Variants in SGCZ observed in about 807,000 individuals in gnomAD.
SGCZ encodes the protein zeta-sarcoglycan.
In SGCZ, 40 loss-of-function variants were observed where a neutral mutation model predicts 41.3. The ratio of observed to expected loss-of-function variants is 0.97; its 90% CI spans 0.75 to 1.26. The LOEUF (loss-of-function observed/expected upper bound fraction) is 1.26, where lower values mean the gene tolerates loss of function less well. Among genes scored for constraint, SGCZ ranks in the 50% most tolerant of loss-of-function variants. The probability of loss-of-function intolerance (pLI) is 0.00; values close to 1 mark genes in which losing one functional copy is unlikely to be tolerated. For synonymous variants in SGCZ, 206 were observed against 137.5 expected, an observed-to-expected ratio of 1.50 and a Z score of -3.49; for missense variants, 552 against 369.8, an observed-to-expected ratio of 1.49 and a Z score of -4.04.
At chr8:14,246,380 G>C (rs1383690223) in intron 3 of SGCZ, among the ~76,000 whole-genome samples, 2 of 151,930 alleles carry the variant, frequency 1.3e-5, no homozygotes, top group Non-Finnish European at 2.9e-5. Context: ...CTCACTCATA[G>C]GTGGGAATTG....
At chr8:14,717,514 C>G (rs1809730375) in intron 1 of SGCZ, among the ~76,000 whole-genome samples, 1 of 152,078 alleles carries the variant, frequency 6.6e-6, no homozygotes, top group South Asian at 2.1e-4. Flanking sequence ...AAGAGTGACT[C>G]AAGGAGAGGA....
At chr8:14,418,246 T>C (rs557453081) in intron 2 of SGCZ, among the ~76,000 whole-genome samples, 1 of 151,990 alleles carries the variant, frequency 6.6e-6, no homozygotes, top group Non-Finnish European at 1.5e-5. Flanking sequence ...TGACTTGGGC[T>C]ATTAGAAGTT....
At chr8:14,298,886 A>C (rs1801101003) in intron 3 of SGCZ, among the ~76,000 whole-genome samples, 1 of 152,000 alleles carries the variant, frequency 6.6e-6, no homozygotes, top group Admixed American at 6.6e-5. Context: ...CAGTTCAAAC[A>C]GTCTTGAAAA....
At chr8:14,708,817 G>GTC (rs1042746122) in intron 1 of SGCZ, among the ~76,000 whole-genome samples, 1 of 151,058 alleles carries the variant, frequency 6.6e-6, no homozygotes, top group Non-Finnish European at 1.5e-5. Context: ...ATTCGAGTGT[G>GTC]TGTGTGTGTG....
At chr8:14,981,060 G>A (rs956001826) in intron 1 of SGCZ, among the ~76,000 whole-genome samples, 3 of 151,514 alleles carry the variant, frequency 2.0e-5, no homozygotes, top group African/African-American at 7.2e-5. Context: ...AATATGGCTT[G>A]TATAAAAATT....
chr8:14,274,584 T>G (rs1400760143), intron 3 of SGCZ, among the ~76,000 whole-genome samples: 1 of 152,214 alleles, frequency 6.6e-6, no homozygotes, highest in Non-Finnish European at 1.5e-5. Context: ...CTAACCATGT[T>G]ATTGTATATA....
intron 1 of SGCZ, among the ~76,000 whole-genome samples, chr8:14,598,467 T>C (rs1010451357): frequency 6.7e-6 from 1 of 150,276 alleles, no homozygotes; most frequent in Admixed American, 6.7e-5. Flanking sequence ...GTAGTAGAGA[T>C]GGGGTTTTAT....
At chr8:15,226,266 T>G (rs1329928485) in intron 1 of SGCZ, among the ~76,000 whole-genome samples, 1 of 152,148 alleles carries the variant, frequency 6.6e-6, no homozygotes, top group Non-Finnish European at 1.5e-5. Flanking sequence ...AGCTGTCAAA[T>G]TCCCAGAGGC....
At chr8:14,634,214 C>A (rs1806753072) in intron 1 of SGCZ, among the ~76,000 whole-genome samples, 1 of 151,776 alleles carries the variant, frequency 6.6e-6, no homozygotes, top group African/African-American at 2.4e-5. Flanking sequence ...GTCAGATTTT[C>A]ATGAGTAATA....
intron 1 of SGCZ, among the ~76,000 whole-genome samples, chr8:14,673,492 T>C (rs1039961523): frequency 1.3e-5 from 2 of 152,048 alleles, no homozygotes; most frequent in African/African-American, 4.8e-5. Flanking sequence ...TGCCATCTTC[T>C]GAAGTAGGTG....
At chr8:14,526,641 A>T (rs1802958937) in intron 2 of SGCZ, among the ~76,000 whole-genome samples, 1 of 152,108 alleles carries the variant, frequency 6.6e-6, no homozygotes, top group African/African-American at 2.4e-5. Context: ...TTGATTTCTT[A>T]TAATCTTTTT....
intron 3 of SGCZ, among the ~76,000 whole-genome samples, chr8:14,282,439 T>C (rs1455525511): frequency 6.6e-6 from 1 of 152,178 alleles, no homozygotes; most frequent in Non-Finnish European, 1.5e-5. Flanking sequence ...TCCCTCCCAC[T>C]GTGCCTCCTA....
chr8:14,275,722 C>G (rs185855901), intron 3 of SGCZ, among the ~76,000 whole-genome samples: 52 of 152,254 alleles, frequency 3.4e-4, no homozygotes, highest in African/African-American at 1.1e-3. Context: ...CAACAGCCAA[C>G]TGCTGGAGAT....
At chr8:14,900,962 G>C (rs1312368361) in intron 1 of SGCZ, among the ~76,000 whole-genome samples, 2 of 152,022 alleles carry the variant, frequency 1.3e-5, no homozygotes, top group African/African-American at 2.4e-5. Flanking sequence ...TATTTCTGTG[G>C]ACTGTGATAG....
chr8:14,592,678 C>G (rs1805278420), intron 1 of SGCZ, among the ~76,000 whole-genome samples: 1 of 151,876 alleles, frequency 6.6e-6, no homozygotes, highest in South Asian at 2.1e-4. Flanking sequence ...TTTCTTTTAC[C>G]AATATTCCAT....
chr8:14,831,674 CAG>C (rs1802533836), intron 1 of SGCZ, among the ~76,000 whole-genome samples: 1 of 151,640 alleles, frequency 6.6e-6, no homozygotes, highest in Non-Finnish European at 1.5e-5. Flanking sequence ...ACACTTGTCT[CAG>C]TATACAATTA....
In SGCZ at chr8:14,166,219, T is replaced by A. The variant is rs186246070; in HGVS notation, c.425-1517A>T. Reference sequence around the variant, plus strand: ...TTTTAAAAATAGAATTCATGCTTTTTAAAAATTTTTAAATAAATACCTTTC... The same window carrying A: ...TTTTAAAAATAGAATTCATGCTTTTAAAAAATTTTTAAATAAATACCTTTC... On this transcript the variant is annotated intron_variant, in intron 4 of 7. Coordinates refer to ENST00000382080, the MANE Select transcript of SGCZ (RefSeq NM_139167.4). Among the ~76,000 whole-genome samples the A allele has an allele frequency of 2.5e-3, 375 of 152,310 alleles. 5 individuals carry two copies. The highest frequency in any genetic ancestry group is 0.021 in the Admixed American group (326 of 15,284).
At chr8:14,257,462 C>G (rs1799506671) in intron 3 of SGCZ, among the ~76,000 whole-genome samples, 1 of 150,260 alleles carries the variant, frequency 6.7e-6, no homozygotes, top group Admixed American at 6.7e-5. Context: ...TTAATACATC[C>G]AAAAAGTACA....
chr8:14,666,854 T>C (rs944579714), intron 1 of SGCZ, among the ~76,000 whole-genome samples: 6 of 152,106 alleles, frequency 3.9e-5, no homozygotes, highest in South Asian at 4.1e-4. Flanking sequence ...TCCAGCCTTA[T>C]TTCATAAAAA....
Sources: gnomAD v4.1 joint callset for allele counts (sites outside exome capture counted in the v4.1 genomes callset) on GRCh38, gnomAD v4.1.1 for gene constraint, MANE v1.5 for transcripts, NCBI Gene and HGNC (gene_info 2026-07-23, HGNC 2026-07-21) for gene names.